Variants in MORC1 observed in about 807,000 individuals in gnomAD.
MORC1 encodes MORC family CW-type zinc finger protein 1.
Under a neutral mutation model 134.9 loss-of-function variants are expected in MORC1, and 59 were observed. The observed-to-expected ratio is 0.44, with a 90% CI of 0.35 to 0.54. The LOEUF (loss-of-function observed/expected upper bound fraction) is 0.54. Among genes scored for constraint, MORC1 ranks in the 20% least tolerant of loss-of-function variants. The pLI is 0.00. For synonymous variants in MORC1, 395 were observed against 391.7 expected, an observed-to-expected ratio of 1.01 and a Z score of -0.10; for missense variants, 947 against 1,134.5, an observed-to-expected ratio of 0.83 and a Z score of 2.37.
At chr3:108,988,850 A>G (rs1354947931) in intron 21 of MORC1, among the ~76,000 whole-genome samples, 1 of 152,124 alleles carries the variant, frequency 6.6e-6, no homozygotes, top group African/African-American at 2.4e-5. Flanking sequence ...TTTGTATTCT[A>G]TTGTTTAGTT....
chr3:109,062,002 A>C lies in MORC1; in HGVS notation c.952T>G (p.Leu318Val). Residue 318 changes from leucine (L) to valine (V), a missense_variant, in exon 11 of 28, where the codon TTA becomes GTA. By Grantham distance (32) the Leu-to-Val change is conservative. Coordinates refer to ENST00000232603, the MANE Select transcript of MORC1 (RefSeq NM_014429.4). ...ACATGTCGTACCTTGGCAGAAGATA[A>C]AGAGGTTCTGTCACACTGGTTTACT... ...IKVNQCDRTS[L>V]SSAKDVLQRA... 6.2e-7 allele frequency: 1 copy of C among 1,614,024 alleles called. No individual in the cohort carries two copies. The highest frequency in any genetic ancestry group is 8.5e-7 in the Non-Finnish European group (1 of 1,179,904).
intron 17 of MORC1, among the ~76,000 whole-genome samples, chr3:109,017,830 A>G (rs2107570268): frequency 6.6e-6 from 1 of 152,276 alleles, no homozygotes; most frequent in South Asian, 2.1e-4. Context: ...ATCAGTATTC[A>G]TTTTTAAATG....
At chr3:109,036,217 G>A (rs1163805121) in intron 14 of MORC1, among the ~76,000 whole-genome samples, 1 of 152,078 alleles carries the variant, frequency 6.6e-6, no homozygotes, top group Non-Finnish European at 1.5e-5. Flanking sequence ...TTAAAACGGA[G>A]GAAGTAGAGC....
At chr3:109,066,969 G>C (rs1007617018) in intron 9 of MORC1, among the ~76,000 whole-genome samples, 1 of 137,878 alleles carries the variant, frequency 7.3e-6, no homozygotes, top group Admixed American at 7.0e-5. Context: ...AAAAATGGAT[G>C]CATGGTGTAC....
chr3:108,985,994 T>C (rs1947883674), intron 22 of MORC1, among the ~76,000 whole-genome samples: 1 of 152,052 alleles, frequency 6.6e-6, no homozygotes, highest in Admixed American at 6.6e-5. Context: ...GAATAGCTGA[T>C]TAGGTTACCT....
chr3:109,046,717 T>A (rs1949704119), intron 14 of MORC1, among the ~76,000 whole-genome samples: 1 of 152,248 alleles, frequency 6.6e-6, no homozygotes, highest in African/African-American at 2.4e-5. Context: ...TATTTTAAAA[T>A]AAACTTTATT....
In MORC1 at chr3:108,958,947, G is replaced by A; in HGVS notation, c.*18C>T. The A allele has an allele frequency of 6.9e-7, 1 of 1,449,636 alleles. No individual in the cohort carries two copies. 89.8% of individuals were successfully genotyped at this position (1,449,636 alleles called of 1,614,324 possible). ...ATTTTCTTATTAGCATTTTTTAAAAGGTAATACCATCTCTGACTTAATTTT... is the reference window on the plus strand; with the variant it reads ...ATTTTCTTATTAGCATTTTTTAAAAAGTAATACCATCTCTGACTTAATTTT... On this transcript the variant is annotated 3_prime_UTR_variant, in exon 28 of 28. Transcript: ENST00000232603.
At chr3:109,075,896 C>T (rs530582194) in intron 8 of MORC1, among the ~76,000 whole-genome samples, 5 of 152,068 alleles carry the variant, frequency 3.3e-5, no homozygotes, top group Admixed American at 3.3e-4. Context: ...GGCAGTATGG[C>T]CATTTTCATG....
intron 17 of MORC1, among the ~76,000 whole-genome samples, chr3:109,010,145 C>T (rs976218404): frequency 6.6e-6 from 1 of 152,126 alleles, no homozygotes; most frequent in Non-Finnish European, 1.5e-5. Flanking sequence ...TCTCTTCTCC[C>T]TCTTTCTCTC....
intron 24 of MORC1, among the ~76,000 whole-genome samples, chr3:108,976,095 G>A (rs928935558): frequency 3.0e-4 from 45 of 152,114 alleles, no homozygotes; most frequent in African/African-American, 1.1e-3. Context: ...CAAAAAGCAA[G>A]AAGTAATATA....
intron 9 of MORC1, 110 bp downstream of exon 9, chr3:109,069,522 A>G: frequency 9.2e-7 from 1 of 1,086,286 alleles, no homozygotes; most frequent in Non-Finnish European, 1.3e-6. Context: ...TTTGTTTACA[A>G]TGTAAAAATC....
rs1272769959 is a variant in MORC1, at chr3:108,984,707, T to C, written c.2324+9A>G. On this transcript the variant is annotated intron_variant, in intron 23 of 27. Coordinates refer to ENST00000232603, the MANE Select transcript of MORC1 (RefSeq NM_014429.4). Reference sequence around the variant, plus strand: ...TCACTTGGAATTTGTATAACTGTAGTACACTCACCTTTTCCAGCTAGGTAA... The same window carrying C: ...TCACTTGGAATTTGTATAACTGTAGCACACTCACCTTTTCCAGCTAGGTAA... 20 of 1,587,626 alleles carry C rather than the reference T, an allele frequency of 1.3e-5. No homozygotes were observed. Among genetic ancestry groups the C allele is most frequent in the Middle Eastern group, 1.7e-4 (1 of 5,992 alleles).
At chr3:109,038,526 G>C (rs1413069248) in intron 14 of MORC1, among the ~76,000 whole-genome samples, 1 of 152,122 alleles carries the variant, frequency 6.6e-6, no homozygotes, top group African/African-American at 2.4e-5. Flanking sequence ...CCTATGTCCT[G>C]AATGGTATTG....
At chr3:108,984,518 T>A (rs1380995273) in intron 23 of MORC1, among the ~76,000 whole-genome samples, 198 bp downstream of exon 23, 2 of 149,276 alleles carry the variant, frequency 1.3e-5, no homozygotes, top group East Asian at 3.9e-4. Context: ...TTATTTCCAG[T>A]TCTTCACGAA....
intron 8 of MORC1, among the ~76,000 whole-genome samples, chr3:109,073,414 T>G (rs60307118): frequency 0.82 from 123,988 of 151,686 alleles, 50,991 homozygotes; most frequent in East Asian, 0.93. Flanking sequence ...TCTGCCACTT[T>G]GATTGGACAC....
intron 14 of MORC1, among the ~76,000 whole-genome samples, chr3:109,047,558 T>C (rs1280377583): frequency 6.6e-6 from 1 of 152,144 alleles, no homozygotes; most frequent in East Asian, 1.9e-4. Context: ...GGTTTTTTTT[T>C]TCCAACAGTC....
At chr3:109,003,599 A>G (rs1462711099) in intron 20 of MORC1, among the ~76,000 whole-genome samples, 1 of 152,190 alleles carries the variant, frequency 6.6e-6, no homozygotes, top group East Asian at 1.9e-4. Context: ...GTTTTTCTGG[A>G]ATTCCAAGTT....
intron 4 of MORC1, among the ~76,000 whole-genome samples, chr3:109,102,192 C>A (rs1429428336): frequency 6.6e-6 from 1 of 152,106 alleles, no homozygotes; most frequent in African/African-American, 2.4e-5. Flanking sequence ...AGATGGTTAA[C>A]ATGAGATGGA....
intron 6 of MORC1, among the ~76,000 whole-genome samples, chr3:109,095,713 T>C (rs1250726872): frequency 6.6e-6 from 1 of 152,164 alleles, no homozygotes; most frequent in Non-Finnish European, 1.5e-5. Flanking sequence ...CAGATCTCGT[T>C]CCCATTTGTC....
Sources: gnomAD v4.1 joint callset for allele counts (sites outside exome capture counted in the v4.1 genomes callset) on GRCh38, gnomAD v4.1.1 for gene constraint, MANE v1.5 for transcripts, NCBI Gene and HGNC (gene_info 2026-07-23, HGNC 2026-07-21) for gene names.